Variants in TTC31 observed in about 807,000 individuals in gnomAD.
TTC31 encodes tetratricopeptide repeat protein 31.
In TTC31, 59 loss-of-function variants were observed where a neutral mutation model predicts 60.4. That is an observed-to-expected ratio of 0.98 (90% CI 0.79 to 1.21). The LOEUF (loss-of-function observed/expected upper bound fraction) is 1.21. Among genes scored for constraint, TTC31 ranks in the 50% most tolerant of loss-of-function variants. TTC31 has a pLI of 0.00. For missense variants in TTC31, 672 were observed against 646.9 expected, an observed-to-expected ratio of 1.04 and a Z score of -0.42; for synonymous variants, 225 against 249.6, an observed-to-expected ratio of 0.90 and a Z score of 0.93.
chr2:74,490,400 C>T lies in TTC31; in HGVS notation c.389C>T (p.Ser130Phe), dbSNP rs770084717. 1 of 1,614,068 alleles carries T rather than the reference C, an allele frequency of 6.2e-7. No individual in the cohort carries two copies. Among genetic ancestry groups the T allele is most frequent in the African/African-American group, 1.3e-5 (1 of 75,036 alleles). ...SEPCPQSPSA[S>F]ATFPSVSDSL... ...CCCTGCCCTCAAAGCCCCTCTGCCT[C>T]TGCCACCTTCCCCAGTGTCTCAGAC... Residue 130 changes from serine to phenylalanine, a missense_variant, in exon 4 of 13, where the codon TCT becomes TTT. Physicochemically the swap from Ser to Phe is radical, Grantham distance 155. Transcript: ENST00000233623.
rs1308589240 is a variant in TTC31, at chr2:74,491,154, G to C, written c.573G>C (p.Glu191Asp). 6.2e-7 allele frequency: 1 copy of C among 1,614,246 alleles called. No homozygotes were observed. The highest frequency in any genetic ancestry group is 1.7e-5 in the Admixed American group (1 of 60,034). ...GTCAAAAGGAACGGAAGCGACAGGAGCGTTTGGAGCAGTACTGTGGGGAGC... is the reference window on the plus strand; with the variant it reads ...GTCAAAAGGAACGGAAGCGACAGGACCGTTTGGAGCAGTACTGTGGGGAGC... ...KKRQKERKRQ[E>D]RLEQYCGEPK... The change falls in exon 6 of 13, where the codon GAG (glutamate) becomes GAC (aspartate). Residue 191 changes from glutamate to aspartate, a missense_variant. Physicochemically the swap from Glu to Asp is conservative, Grantham distance 45. Transcript: ENST00000233623.
intron 2 of TTC31, among the ~76,000 whole-genome samples, chr2:74,489,572 A>G (rs1452448693): frequency 6.6e-6 from 1 of 152,178 alleles, no homozygotes; most frequent in African/African-American, 2.4e-5. Context: ...TTGTGGAGAA[A>G]CAGATGAGGT....
intron 2 of TTC31, 26 bp from the exon 3 acceptor site, chr2:74,489,999 T>TCCCCCC: frequency 2.2e-6 from 3 of 1,367,282 alleles, no homozygotes; most frequent in Non-Finnish European, 2.0e-6. Flanking sequence ...AACACCAGCC[T>TCCCCCC]CCCCTCCCCT....
chr2:74,489,328 G>A (rs1327212992), intron 2 of TTC31, among the ~76,000 whole-genome samples: 2 of 152,206 alleles, frequency 1.3e-5, no homozygotes, highest in African/African-American at 4.8e-5. Context: ...AGTTAGGAGG[G>A]ATTGGAGAGC....
intron 2 of TTC31, chr2:74,483,728 A>G: frequency 5.9e-6 from 4 of 682,926 alleles, no homozygotes; most frequent in Non-Finnish European, 8.3e-6. Context: ...TGTAATCTCA[A>G]CACTTTGGGA....
chr2:74,492,159 C>A lies in TTC31; in HGVS notation c.949C>A (p.Gln317Lys). ...TCCAGAGTTGGGTACCAGCTTTGCT[C>A]AAAATGGTTTCTACCATGAGGCCGT... ...ELAKLGTSFAQNGFYHEAVVL... is the reference protein window; with the variant it reads ...ELAKLGTSFAKNGFYHEAVVL... Residue 317 changes from glutamine (Q) to lysine (K), a missense_variant, in exon 10 of 13, where the codon CAA becomes AAA. By Grantham distance (53) the Gln-to-Lys change is moderately conservative. Transcript: ENST00000233623. 1 of 1,614,182 alleles carries A rather than the reference C, an allele frequency of 6.2e-7. No homozygotes were observed. The highest frequency in any genetic ancestry group is 8.5e-7 in the Non-Finnish European group (1 of 1,180,030).
At chr2:74,484,449 A>G (rs769495561) in intron 2 of TTC31, among the ~76,000 whole-genome samples, 3 of 151,660 alleles carry the variant, frequency 2.0e-5, no homozygotes, top group Non-Finnish European at 4.4e-5. Context: ...AGTAGGCAAC[A>G]GAGTTTTTTT....
At chr2:74,491,773 G>C (rs755785247) in intron 8 of TTC31, 101 bp downstream of exon 8, 1 of 1,464,820 alleles carries the variant, frequency 6.8e-7, no homozygotes, top group African/African-American at 1.4e-5. Flanking sequence ...GGTCCAGTGG[G>C]AGTTCTCTGG....
intron 8 of TTC31, 140 bp from the exon 9 acceptor site, chr2:74,491,864 C>A: frequency 6.8e-7 from 1 of 1,464,162 alleles, no homozygotes; most frequent in South Asian, 1.3e-5. Flanking sequence ...GAAGATAGGG[C>A]TGATACCATC....
Position 74,490,627 on chromosome 2 carries a change from T to C in TTC31, c.463-29T>C, listed in dbSNP as rs756410777. 17 of 1,610,558 alleles carry C rather than the reference T, an allele frequency of 1.1e-5. No homozygotes were observed. In the South Asian group the frequency reaches 1.9e-4, roughly 18 times the overall value. The stretch of plus-strand genomic sequence containing the variant: ...GCTCTCCATTTCCCTGTTTCTCTCT[T>C]TTTCTGTCACCTGCCCTTCGTCCTT... On this transcript the variant is annotated intron_variant, in intron 4 of 12. Coordinates refer to ENST00000233623, the MANE Select transcript of TTC31 (RefSeq NM_022492.6).
At chr2:74,492,254 G>C (rs1212112177) in intron 10 of TTC31, 25 bp downstream of exon 10, 6 of 1,613,966 alleles carry the variant, frequency 3.7e-6, no homozygotes, top group South Asian at 3.3e-5. Context: ...GGCCAGGGCA[G>C]GGCAGAGTGT....
rs1673861188 is a variant in TTC31, at chr2:74,491,366, T to C, written c.675T>C (p.Gly225=). Residue 225 remains glycine (G), a synonymous_variant, in exon 7 of 13, where the codon GGT becomes GGC. Transcript: ENST00000233623. The stretch of plus-strand genomic sequence containing the variant: ...GAAACCCAGTTCAGGGACAGTGTGG[T>C]GAAGAAGAGGTGAGAGCCCCTTTTT... The part of the protein sequence containing the change: ...SPGNPVQGQC[G]EEEDSLDLSS... 2 of 1,614,056 alleles carry C rather than the reference T, an allele frequency of 1.2e-6. No homozygotes were observed. The highest frequency in any genetic ancestry group is 1.3e-5 in the African/African-American group (1 of 74,920).
At chr2:74,484,162 G>A (rs541632292) in intron 2 of TTC31, among the ~76,000 whole-genome samples, 55 of 151,838 alleles carry the variant, frequency 3.6e-4, no homozygotes, top group African/African-American at 1.3e-3. Flanking sequence ...GCTTGAACCC[G>A]GGAGGCAGAG....
Position 74,493,309 on chromosome 2 carries a change from C to G in TTC31, c.*91C>G, listed in dbSNP as rs777272962. The G allele has an allele frequency of 1.4e-5, 18 of 1,325,290 alleles. No individual in the cohort carries two copies. The Middle Eastern group carries it at 2.0e-3, about 149-fold the overall frequency. 82.1% of individuals were successfully genotyped at this position (1,325,290 alleles called of 1,614,324 possible). On this transcript the variant is annotated 3_prime_UTR_variant, in exon 13 of 13. Coordinates refer to ENST00000233623, the MANE Select transcript of TTC31 (RefSeq NM_022492.6). Reference sequence around the variant, plus strand: ...GACAGTTCACTGCATATTTTGAGACCTTATTCTCTAGATCCATAGTTAATG... The same window carrying G: ...GACAGTTCACTGCATATTTTGAGACGTTATTCTCTAGATCCATAGTTAATG...
chr2:74,484,232 A>G (rs1672818513), intron 2 of TTC31, among the ~76,000 whole-genome samples: 1 of 151,668 alleles, frequency 6.6e-6, no homozygotes. Context: ...GGGAGACTCC[A>G]TTTCAAAAAA....
At chr2:74,483,300 G>GCT (rs780596274) in intron 1 of TTC31, 22 bp from the exon 2 acceptor site, 1 of 1,613,748 alleles carries the variant, frequency 6.2e-7, no homozygotes, top group South Asian at 1.1e-5. Flanking sequence ...CGCTGACGAG[G>GCT]CTCCGCCTTC....
At chr2:74,483,162 G>C in intron 1 of TTC31, 27 bp downstream of exon 1, 1 of 1,614,194 alleles carries the variant, frequency 6.2e-7, no homozygotes, top group Non-Finnish European at 8.5e-7. Context: ...GACCAGTGGG[G>C]GTCTAGGAGG....
rs1468373776 is a variant in TTC31 at position 74,494,332 on chromosome 2, G to A, written c.*1114G>A. 2 of 152,168 alleles carry A rather than the reference G, an allele frequency of 1.3e-5. No homozygotes were observed. The highest frequency in any genetic ancestry group is 2.9e-5 in the Non-Finnish European group (2 of 68,052). 9.4% of individuals were successfully genotyped at this position (152,168 alleles called of 1,614,324 possible). On this transcript the variant is annotated 3_prime_UTR_variant, in exon 13 of 13. Transcript: ENST00000233623. ...TCCCAAATTTTTAAAAATTGTTTAT[G>A]GTTTAGGCCCCTTAAATACTGTGTA...
chr2:74,486,982 G>A (rs1187021888), intron 2 of TTC31, among the ~76,000 whole-genome samples: 1 of 152,174 alleles, frequency 6.6e-6, no homozygotes, highest in African/African-American at 2.4e-5. Context: ...GGAGTGAGCT[G>A]TTCACTGGGG....
Sources: gnomAD v4.1 joint callset for allele counts (sites outside exome capture counted in the v4.1 genomes callset) on GRCh38, gnomAD v4.1.1 for gene constraint, MANE v1.5 for transcripts, NCBI Gene and HGNC (gene_info 2026-07-23, HGNC 2026-07-21) for gene names.